Variants in KBTBD12 observed in about 807,000 individuals in gnomAD.
KBTBD12 encodes the protein kelch repeat and BTB domain-containing protein 12.
Under a neutral mutation model 58.7 loss-of-function variants are expected in KBTBD12, and 53 were observed. That is an observed-to-expected ratio of 0.90 (90% CI 0.72 to 1.14). The LOEUF (loss-of-function observed/expected upper bound fraction) is 1.14. Among genes scored for constraint, KBTBD12 ranks in the 50% most tolerant of loss-of-function variants. The pLI is 0.00. For synonymous variants in KBTBD12, 236 were observed against 259.8 expected, an observed-to-expected ratio of 0.91 and a Z score of 0.88; for missense variants, 704 against 751.3, an observed-to-expected ratio of 0.94 and a Z score of 0.74.
chr3:127,944,567 T>C (rs1940028916), intron 4 of KBTBD12, among the ~76,000 whole-genome samples: 1 of 152,192 alleles, frequency 6.6e-6, no homozygotes, highest in Non-Finnish European at 1.5e-5. Flanking sequence ...TTCTAACAAT[T>C]TTTTTGTGGA....
chr3:127,986,552 G>C lies in KBTBD12; in HGVS notation c.*2274G>C, dbSNP rs937361375. ...AGGCTGGAGTGCAGTGCAGTGGCAC[G>C]ATCTCAGCCCACTGCAACCTCCGCC... On this transcript the variant is annotated 3_prime_UTR_variant, in exon 6 of 6. Transcript: ENST00000405109. 1 of 150,268 alleles carries C rather than the reference G, an allele frequency of 6.7e-6. No homozygotes were observed. Among genetic ancestry groups the C allele is most frequent in the Non-Finnish European group, 1.5e-5 (1 of 67,866 alleles). 9.3% of individuals were successfully genotyped at this position (150,268 alleles called of 1,614,324 possible).
At position 127,984,197 on chromosome 3, in the gene KBTBD12, T is replaced by C. The variant is rs1940925641; in HGVS notation, c.1791T>C (p.Asp597=). Residue 597 remains aspartate (D), a synonymous_variant, in exon 6 of 6, where the codon GAT becomes GAC. Transcript: ENST00000405109. The part of the protein sequence containing the change: ...AINVLMHDSY[D]VCLVARMNPR... ...ACGTCCTCATGCATGACAGCTATGA[T>C]GTCTGCCTAGTAGCCAGGATGAATC... The C allele has an allele frequency of 5.0e-6, 8 of 1,613,992 alleles. No individual in the cohort carries two copies. The highest frequency in any genetic ancestry group is 1.6e-4 in the Middle Eastern group (1 of 6,062).
chr3:127,986,929 C>T lies in KBTBD12; in HGVS notation c.*2651C>T, dbSNP rs975201050. On this transcript the variant is annotated 3_prime_UTR_variant, in exon 6 of 6. Coordinates refer to ENST00000405109, the MANE Select transcript of KBTBD12 (RefSeq NM_207335.4). ...ACCCTGTGGCAGCTCAGCAGAGGCA[C>T]CTGAGGGTCACGCTAGGTGAGACCA... 8 of 152,342 alleles carry T rather than the reference C, an allele frequency of 5.3e-5. No homozygotes were observed. Among genetic ancestry groups the T allele is most frequent in the African/African-American group, 1.4e-4 (6 of 41,446 alleles). The allele number at this position is 152,342 out of a possible 1,614,324, so 9.4% of individuals were successfully genotyped here.
chr3:127,947,663 G>A (rs1382608381), intron 4 of KBTBD12, among the ~76,000 whole-genome samples: 3 of 152,170 alleles, frequency 2.0e-5, no homozygotes, highest in Non-Finnish European at 4.4e-5. Context: ...ATTAATCAGT[G>A]CTTTTGAGGA....
At chr3:127,939,074 G>C (rs1055601350) in intron 4 of KBTBD12, among the ~76,000 whole-genome samples, 1 of 152,152 alleles carries the variant, frequency 6.6e-6, no homozygotes, top group Admixed American at 6.5e-5. Flanking sequence ...ACTGAAAAGG[G>C]AGGTTATAAT....
chr3:127,946,793 G>A (rs374368463), intron 4 of KBTBD12, among the ~76,000 whole-genome samples: 14 of 152,128 alleles, frequency 9.2e-5, no homozygotes, highest in East Asian at 3.9e-4. Flanking sequence ...GTGTCTCTTC[G>A]GGTCTTACTG....
chr3:127,924,191 GA>G, intron 2 of KBTBD12, 60 bp downstream of exon 2: 1 of 1,049,382 alleles, frequency 9.5e-7, no homozygotes, highest in Non-Finnish European at 1.4e-6. Flanking sequence ...AGCAGTAGAA[GA>G]AAGAACTGCA....
chr3:127,928,105 T>A, intron 3 of KBTBD12, 71 bp downstream of exon 3: 1 of 1,324,406 alleles, frequency 7.6e-7, no homozygotes, highest in Non-Finnish European at 1.1e-6. Context: ...AACATTGTTG[T>A]AGTTGTTGAA....
At chr3:127,929,109 A>C (rs1939641840) in intron 3 of KBTBD12, among the ~76,000 whole-genome samples, 1 of 152,196 alleles carries the variant, frequency 6.6e-6, no homozygotes, top group Non-Finnish European at 1.5e-5. Flanking sequence ...TCACTAAAAT[A>C]GAGATTAAAT....
At position 127,987,616 on chromosome 3, in the gene KBTBD12, T is replaced by A. The variant is rs908984613; in HGVS notation, c.*3338T>A. On this transcript the variant is annotated 3_prime_UTR_variant, in exon 6 of 6. Coordinates refer to ENST00000405109, the MANE Select transcript of KBTBD12 (RefSeq NM_207335.4). ...GGCATTGTTCTCCCTGACTTCATAA[T>A]GAGCAAATGTTTCACATTTGAACTT... 6.6e-6 allele frequency: 1 copy of A among 152,262 alleles called. No homozygotes were observed. Among genetic ancestry groups the A allele is most frequent in the African/African-American group, 2.4e-5 (1 of 41,478 alleles). The allele number at this position is 152,262 out of a possible 1,614,324, so 9.4% of individuals were successfully genotyped here. A position where few individuals can be genotyped will look rare whatever the true frequency, so the allele number is the denominator to read the frequency against.
At chr3:127,919,422 G>T (rs1030990911) in intron 1 of KBTBD12, among the ~76,000 whole-genome samples, 1 of 152,184 alleles carries the variant, frequency 6.6e-6, no homozygotes, top group African/African-American at 2.4e-5. Context: ...TAGAGACGGG[G>T]TTTCACCATG....
chr3:127,930,224 T>A lies in KBTBD12; in HGVS notation c.1433T>A (p.Met478Lys), dbSNP rs768102910. 3.1e-6 allele frequency: 5 copies of A among 1,610,492 alleles called. No homozygotes were observed. The Admixed American group carries it at 5.0e-5, about 16-fold the overall frequency. ...GATCAATGGAGTGTGCGGGCACCCA[T>A]GAAGTACTCTAAGTACCGATTCAGT... ...SQDQWSVRAP[M>K]KYSKYRFSTA... The change falls in exon 4 of 6, where the codon ATG becomes AAG. Residue 478 changes from methionine to lysine, a missense_variant. Physicochemically the swap from Met to Lys is moderately conservative, Grantham distance 95. Coordinates refer to ENST00000405109, the MANE Select transcript of KBTBD12 (RefSeq NM_207335.4).
In KBTBD12 at chr3:127,974,651, C is replaced by T. The variant is rs553558166; in HGVS notation, c.1691-9446C>T. Among the ~76,000 whole-genome samples, 9 of 152,270 alleles carry T rather than the reference C, an allele frequency of 5.9e-5. No individual in the cohort carries two copies. In the South Asian group the frequency reaches 8.3e-4, roughly 14 times the overall value. The stretch of plus-strand genomic sequence containing the variant: ...TACATCTGACCTGTTCTTTCCCCTC[C>T]GGACCACTTGGCTTTATTTTCCAAT... On this transcript the variant is annotated intron_variant, in intron 5 of 5. Transcript: ENST00000405109.
intron 4 of KBTBD12, among the ~76,000 whole-genome samples, chr3:127,931,872 A>T (rs968538120): frequency 3.9e-5 from 6 of 152,118 alleles, no homozygotes; most frequent in Non-Finnish European, 8.8e-5. Context: ...AAGTGGTGAG[A>T]GTAGAGGATA....
chr3:127,980,675 T>G (rs756617820), intron 5 of KBTBD12, among the ~76,000 whole-genome samples: 59 of 152,258 alleles, frequency 3.9e-4, no homozygotes, highest in Non-Finnish European at 6.9e-4. Context: ...CCATAAACCA[T>G]CCTTCTGTGG....
chr3:127,936,647 T>A (rs1939836868), intron 4 of KBTBD12, among the ~76,000 whole-genome samples: 1 of 152,166 alleles, frequency 6.6e-6, no homozygotes, highest in Admixed American at 6.5e-5. Context: ...CCCAAACATT[T>A]ATCAAGCCTG....
chr3:127,963,550 C>A, intron 5 of KBTBD12, 164 bp downstream of exon 5: 1 of 626,362 alleles, frequency 1.6e-6, no homozygotes. Flanking sequence ...CTGGGTTTCA[C>A]ATGGACAAAG....
intron 4 of KBTBD12, among the ~76,000 whole-genome samples, chr3:127,938,884 G>T (rs549822939): frequency 1.3e-5 from 2 of 152,256 alleles, no homozygotes; most frequent in African/African-American, 4.8e-5. Context: ...TGAAGACTCT[G>T]TAAACAGAAG....
At chr3:127,943,653 A>AT (rs143236837) in intron 4 of KBTBD12, among the ~76,000 whole-genome samples, 3,266 of 144,690 alleles carry the variant, frequency 0.023, 121 homozygotes, top group African/African-American at 0.072. Context: ...TTGTCTTTTC[A>AT]TTTTTTTTTT....
Sources: gnomAD v4.1 joint callset for allele counts (sites outside exome capture counted in the v4.1 genomes callset) on GRCh38, gnomAD v4.1.1 for gene constraint, MANE v1.5 for transcripts, NCBI Gene and HGNC (gene_info 2026-07-23, HGNC 2026-07-21) for gene names.